The following VDAC1 variants were observed in gnomAD, a reference collection of about 807,000 sequenced individuals.
VDAC1 encodes non-selective voltage-gated ion channel VDAC1.
Under a neutral mutation model 34.7 loss-of-function variants are expected in VDAC1, and 10 were observed. That is an observed-to-expected ratio of 0.29 (90% CI 0.18 to 0.49). The LOEUF is 0.49. Ranked by LOEUF, VDAC1 falls within the 20% of genes least tolerant of loss-of-function variation. The pLI is 0.99. For synonymous variants in VDAC1, 130 were observed against 136.0 expected (o/e 0.96, Z 0.30); for missense variants, 230 against 347.9 (o/e 0.66, Z 2.69).
At chr5:134,037,027 T>A in the VDAC1 span, among the ~76,000 whole-genome samples, 1 of 151,768 alleles carries the variant, frequency 6.6e-6, no homozygotes, top group Non-Finnish European at 1.5e-5. Context: ...ATGACATTAT[T>A]AGCAGTTCCT....
the VDAC1 span, among the ~76,000 whole-genome samples, chr5:134,063,424 G>A: frequency 6.6e-6 from 1 of 152,170 alleles, no homozygotes; most frequent in South Asian, 2.1e-4. Context: ...CCTTACCTAT[G>A]TATAATCCCT....
chr5:134,055,589 T>TTTTTTTTTTTTTTTTTTG, the VDAC1 span, among the ~76,000 whole-genome samples: 2 of 20,404 alleles, frequency 9.8e-5, 1 homozygote, highest in East Asian at 2.4e-3. Context: ...CCCGCTAATG[T>TTTTTTTTTTTTTTTTTTG]TTTTTTTTTT....
At chr5:133,978,154 A>G (rs1052498600) in intron 6 of VDAC1, among the ~76,000 whole-genome samples, 6 of 150,636 alleles carry the variant, frequency 4.0e-5, no homozygotes, top group Admixed American at 1.3e-4. Flanking sequence ...ATCAGAGAAT[A>G]CATTCTAAAT....
At chr5:134,009,561 T>C (rs563894877), upstream of VDAC1, among the ~76,000 whole-genome samples, 28 of 151,776 alleles carry the variant, frequency 1.8e-4, no homozygotes, top group Admixed American at 8.5e-4. Flanking sequence ...CCAGCCAGAA[T>C]TGATCAATTC....
chr5:134,030,285 G>A, the VDAC1 span, among the ~76,000 whole-genome samples: 1 of 151,686 alleles, frequency 6.6e-6, no homozygotes, highest in Non-Finnish European at 1.5e-5. Context: ...GGTCCGCGGT[G>A]AGCAAGATCG....
At chr5:134,104,301 A>G in the VDAC1 span, among the ~76,000 whole-genome samples, 1 of 152,240 alleles carries the variant, frequency 6.6e-6, no homozygotes, top group Non-Finnish European at 1.5e-5. Context: ...AAGGGAGGTG[A>G]CTTGCTCACA....
chr5:134,076,391 C>G, the VDAC1 span, among the ~76,000 whole-genome samples: 1 of 151,764 alleles, frequency 6.6e-6, no homozygotes, highest in South Asian at 2.1e-4. Context: ...GCAAGGTCAG[C>G]CTTCACTGTC....
chr5:134,029,256 A>T, the VDAC1 span, among the ~76,000 whole-genome samples: 2 of 152,228 alleles, frequency 1.3e-5, no homozygotes, highest in Non-Finnish European at 2.9e-5. Flanking sequence ...TTGCAGCTTC[A>T]TGAGAGACTC....
chr5:134,062,284 T>C, the VDAC1 span, among the ~76,000 whole-genome samples: 1 of 151,722 alleles, frequency 6.6e-6, no homozygotes, highest in African/African-American at 2.4e-5. Context: ...TTTGCCTGGC[T>C]GGTCAAGAGT....
At chr5:134,057,494 TATATCTATATCTATATC>T in the VDAC1 span, among the ~76,000 whole-genome samples, 4 of 20,334 alleles carry the variant, frequency 2.0e-4, no homozygotes, top group African/African-American at 2.7e-4. Flanking sequence ...AAAAAAAATT[TATATCTATATCTATATC>T]TATATCTATA....
chr5:134,021,186 C>CTT, the VDAC1 span, among the ~76,000 whole-genome samples: 9 of 146,620 alleles, frequency 6.1e-5, no homozygotes, highest in East Asian at 1.0e-3. Context: ...GAGACCTTGT[C>CTT]TTTTTTTTTT....
the VDAC1 span, among the ~76,000 whole-genome samples, chr5:134,080,119 A>G: frequency 6.6e-6 from 1 of 152,266 alleles, no homozygotes; most frequent in East Asian, 1.9e-4. Flanking sequence ...GATGTGTGAC[A>G]TCAAAGCCGG....
At chr5:134,026,235 T>C in the VDAC1 span, among the ~76,000 whole-genome samples, 105 of 152,148 alleles carry the variant, frequency 6.9e-4, no homozygotes, top group Middle Eastern at 3.4e-3. Context: ...TGGCTGGGTG[T>C]GGTGGCTCAC....
In VDAC1 at chr5:133,992,990, G is replaced by T. The variant is rs181549977; in HGVS notation, c.23C>A (p.Ala8Asp). MAVPPTY[A>D]DLGKSARDVF... Reference sequence around the variant, plus strand: ...ATCCCTGGCAGATTTGCCAAGATCGGCATACGTGGGTGGCACAGCCATCTT... The same window carrying T: ...ATCCCTGGCAGATTTGCCAAGATCGTCATACGTGGGTGGCACAGCCATCTT... The change falls in exon 2 of 9, where the codon GCC (alanine) becomes GAC (aspartate). Residue 8 changes from alanine to aspartate, a missense_variant. Ala to Asp is a moderately radical substitution (Grantham distance 126, BLOSUM62 -2). Coordinates refer to ENST00000265333, the MANE Select transcript of VDAC1 (RefSeq NM_003374.3). The T allele has an allele frequency of 1.8e-5, 29 of 1,613,320 alleles. No individual in the cohort carries two copies. The East Asian group carries it at 6.5e-4, about 36-fold the overall frequency.
At chr5:134,089,846 G>C in the VDAC1 span, among the ~76,000 whole-genome samples, 1 of 152,122 alleles carries the variant, frequency 6.6e-6, no homozygotes, top group South Asian at 2.1e-4. Flanking sequence ...AAAAAAATTA[G>C]CCAGGCATGG....
At chr5:134,027,328 C>G in the VDAC1 span, among the ~76,000 whole-genome samples, 1,558 of 152,318 alleles carry the variant, frequency 0.01, 29 homozygotes, top group African/African-American at 0.035. Flanking sequence ...CCTCCTTCAC[C>G]TGCAGGTCTC....
intron 7 of VDAC1, 28 bp downstream of exon 7, chr5:133,975,843 T>C (rs1216169866): frequency 6.2e-7 from 1 of 1,608,990 alleles, no homozygotes; most frequent in Non-Finnish European, 8.5e-7. Flanking sequence ...GGCCTGCCTG[T>C]GAGATGCGTG....
chr5:134,111,553 C>T, the VDAC1 span, among the ~76,000 whole-genome samples: 1 of 152,146 alleles, frequency 6.6e-6, no homozygotes, highest in African/African-American at 2.4e-5. Flanking sequence ...ATGGTACACA[C>T]TGAGATCTGT....
the VDAC1 span, among the ~76,000 whole-genome samples, chr5:134,114,420 GGC>G: frequency 6.6e-6 from 1 of 152,182 alleles, no homozygotes; most frequent in Non-Finnish European, 1.5e-5. Flanking sequence ...GAGAAACCTG[GGC>G]GCAGAAAGCA....
Sources: allele counts gnomAD v4.1 joint callset (sites outside exome capture counted in the v4.1 genomes callset), GRCh38; gene constraint gnomAD v4.1.1; transcripts MANE v1.5; gene names NCBI Gene and HGNC (gene_info 2026-07-23, HGNC 2026-07-21).